The following LRP2 variants were observed in gnomAD, a reference collection of about 807,000 sequenced individuals.
LRP2 encodes low-density lipoprotein receptor-related protein 2.
LRP2 carries 172 observed loss-of-function variants against 531.0 expected under a neutral mutation model. The ratio of observed to expected loss-of-function variants is 0.32; its 90% confidence interval spans 0.29 to 0.37. The LOEUF is 0.37. Ranked by LOEUF, LRP2 falls within the 10% of genes least tolerant of loss-of-function variation. LRP2 has a pLI of 1.00. For missense variants in LRP2, 5,167 were observed against 5,868.3 expected (o/e 0.88, Z 3.90); for synonymous variants, 1,992 against 2,027.6 (o/e 0.98, Z 0.47).
At chr2:169,285,153 TAAAAAAA>T (rs58043794) in intron 9 of LRP2, among the ~76,000 whole-genome samples, 1 of 134,648 alleles carries the variant, frequency 7.4e-6, no homozygotes, top group Non-Finnish European at 1.6e-5. Context: ...TACTAAGAAT[TAAAAAAA>T]AAAAAAAAAA....
chr2:169,231,653 C>T, intron 31 of LRP2, 61 bp downstream of exon 31: 1 of 1,609,992 alleles, frequency 6.2e-7, no homozygotes, highest in African/African-American at 1.3e-5. Flanking sequence ...AGAGTTTCCA[C>T]TGCTTGGCAC....
At chr2:169,309,205 T>G (rs1357272199) in intron 3 of LRP2, among the ~76,000 whole-genome samples, 1 of 152,248 alleles carries the variant, frequency 6.6e-6, no homozygotes, top group African/African-American at 2.4e-5. Flanking sequence ...TTTCTATTGC[T>G]GTGCAGAAAC....
At chr2:169,143,653 A>G (rs1191150580) in intron 70 of LRP2, among the ~76,000 whole-genome samples, 3 of 152,172 alleles carry the variant, frequency 2.0e-5, no homozygotes, top group Non-Finnish European at 4.4e-5. Context: ...CTCAAAAACA[A>G]AAAACAAACA....
At chr2:169,162,391 T>C (rs1043242529) in intron 63 of LRP2, 81 bp downstream of exon 63, 4 of 1,503,180 alleles carry the variant, frequency 2.7e-6, no homozygotes, top group Non-Finnish European at 3.7e-6. Context: ...ATGTGGTCAG[T>C]GTCTACATTA....
At chr2:169,235,236 GA>G (rs776531143) in intron 29 of LRP2, among the ~76,000 whole-genome samples, 2 of 96,236 alleles carry the variant, frequency 2.1e-5, no homozygotes, top group African/African-American at 5.7e-5. Flanking sequence ...ATTTTTGCTT[GA>G]AAAAAATTTT....
intron 2 of LRP2, among the ~76,000 whole-genome samples, chr2:169,319,814 T>G (rs1478771618): frequency 6.6e-6 from 1 of 152,238 alleles, no homozygotes; most frequent in Non-Finnish European, 1.5e-5. Flanking sequence ...AATGAGCTCC[T>G]GGGTGATCCA....
chr2:169,357,387 A>C (rs1303362002), intron 1 of LRP2, among the ~76,000 whole-genome samples: 3 of 148,626 alleles, frequency 2.0e-5, no homozygotes, highest in Non-Finnish European at 3.0e-5. Flanking sequence ...GCTGGAGTGC[A>C]GTGGCACAAT....
At position 169,271,046 on chromosome 2, in the gene LRP2, C is replaced by A. The variant is rs144451000; in HGVS notation, c.2178G>T (p.Leu726Phe). 1.6e-3 allele frequency: 2,566 copies of A among 1,613,130 alleles called. 2 individuals are homozygous for A. Among genetic ancestry groups the A allele is most frequent in the Non-Finnish European group, 1.9e-3 (2,269 of 1,179,470 alleles). ...QVAIRGIPFTLSTQEDVMVPV... is the reference protein window; with the variant it reads ...QVAIRGIPFTFSTQEDVMVPV... ...GAACCATGACATCTTCCTGGGTAGA[C>A]AAGGTGAACGGGATCCCACGAATAG... The change falls in exon 16 of 79, where the codon TTG (leucine) becomes TTT (phenylalanine). Residue 726 changes from leucine to phenylalanine, a missense_variant. Around this residue, in one of 6 missense-constraint regions of LRP2, gnomAD observed 2,811 missense variants for 3,058.0 expected, o/e 0.92. Transcript: ENST00000649046.
chr2:169,264,232 C>T (rs830991), intron 16 of LRP2, among the ~76,000 whole-genome samples: 84,451 of 151,562 alleles, frequency 0.56, 24,914 homozygotes, highest in East Asian at 0.9. Context: ...TACCCTAAAA[C>T]TTAAAGTATA....
rs1425824442 is a variant in LRP2, at chr2:169,238,003, G to C, written c.4506+88C>G. The C allele has an allele frequency of 6.5e-6, 7 of 1,083,320 alleles. No individual in the cohort carries two copies. In the African/African-American group the frequency reaches 1.1e-4, roughly 17 times the overall value. The allele number at this position is 1,083,320 out of a possible 1,614,324, so 67.1% of individuals were successfully genotyped here. A position where few individuals can be genotyped will look rare whatever the true frequency, so the allele number is the denominator to read the frequency against. Reference sequence around the variant, plus strand: ...GTACCATGAGAGCTACCCAGATGAGGTAGGGCCTTCTCTCACTGGTGAATA... The same window carrying C: ...GTACCATGAGAGCTACCCAGATGAGCTAGGGCCTTCTCTCACTGGTGAATA... On this transcript the variant is annotated intron_variant, in intron 27 of 78. Coordinates refer to ENST00000649046, the MANE Select transcript of LRP2 (RefSeq NM_004525.3).
At position 169,156,049 on chromosome 2, in the gene LRP2, T is replaced by A. The variant is rs189170474; in HGVS notation, c.12151+225A>T. The stretch of plus-strand genomic sequence containing the variant: ...AATAAGTAACACCTGGCTCTTGTTT[T>A]AATTGCTACATATTTGTTGGGGGAT... On this transcript the variant is annotated intron_variant, in intron 65 of 78. Transcript: ENST00000649046. Among the ~76,000 whole-genome samples the A allele has an allele frequency of 9.9e-5, 15 of 152,230 alleles. No individual in the cohort carries two copies. In the East Asian group the frequency reaches 2.9e-3, roughly 29 times the overall value.
intron 16 of LRP2, among the ~76,000 whole-genome samples, chr2:169,267,677 A>C (rs1057248459): frequency 2.0e-5 from 3 of 152,190 alleles, no homozygotes; most frequent in Non-Finnish European, 4.4e-5. Context: ...CTGACACCCT[A>C]ACATCACAAT....
chr2:169,184,821 G>A (rs1687573126), intron 50 of LRP2, among the ~76,000 whole-genome samples: 1 of 151,838 alleles, frequency 6.6e-6, no homozygotes, highest in South Asian at 2.1e-4. Context: ...GGAGTGCCAT[G>A]CATGTTCTCA....
At chr2:169,343,959 C>G (rs1685629725) in intron 1 of LRP2, among the ~76,000 whole-genome samples, 1 of 152,114 alleles carries the variant, frequency 6.6e-6, no homozygotes, top group Non-Finnish European at 1.5e-5. Flanking sequence ...TAAATATTTA[C>G]TAACTCCTCA....
intron 61 of LRP2, among the ~76,000 whole-genome samples, chr2:169,167,528 GC>G (rs1282192467): frequency 6.6e-6 from 1 of 152,050 alleles, no homozygotes; most frequent in Non-Finnish European, 1.5e-5. Context: ...AGATTGCTGG[GC>G]CCTTAATTTT....
At chr2:169,264,623 T>A (rs1487541187) in intron 16 of LRP2, among the ~76,000 whole-genome samples, 1 of 151,996 alleles carries the variant, frequency 6.6e-6, no homozygotes, top group Non-Finnish European at 1.5e-5. Context: ...AGTAAGGTAT[T>A]GGAGGAGTGA....
At chr2:169,291,667 C>G (rs1309729736) in intron 7 of LRP2, among the ~76,000 whole-genome samples, 1 of 150,196 alleles carries the variant, frequency 6.7e-6, no homozygotes, top group Non-Finnish European at 1.5e-5. Flanking sequence ...CTCACGGAAT[C>G]TTTAAGCACT....
chr2:169,285,395 A>T (rs887258768), intron 9 of LRP2, among the ~76,000 whole-genome samples: 56 of 152,340 alleles, frequency 3.7e-4, no homozygotes, highest in African/African-American at 1.2e-3. Context: ...GTTAATTAAC[A>T]TCCATCAGCA....
At chr2:169,141,740 TCTC>T (rs777314226) in intron 71 of LRP2, among the ~76,000 whole-genome samples, 54 of 152,238 alleles carry the variant, frequency 3.5e-4, no homozygotes, top group Non-Finnish European at 5.1e-4. Flanking sequence ...ATGGAACAAA[TCTC>T]AAAGCCTGAA....
Sources: gnomAD v4.1 joint callset for allele counts (sites outside exome capture counted in the v4.1 genomes callset) on GRCh38, gnomAD v4.1.1 for gene constraint, gnomAD v4.1.1 regional missense constraint, MANE v1.5 for transcripts, NCBI Gene and HGNC (gene_info 2026-07-23, HGNC 2026-07-21) for gene names.